Variants in ADCY2 observed in about 807,000 individuals in gnomAD.
ADCY2 encodes the protein adenylate cyclase type 2.
Under a neutral mutation model 125.2 loss-of-function variants are expected in ADCY2, and 31 were observed. The observed-to-expected ratio is 0.25, with a 90% CI of 0.19 to 0.33. The LOEUF is 0.33. Among genes scored for constraint, ADCY2 ranks in the 10% least tolerant of loss-of-function variants. The pLI is 1.00. For synonymous variants in ADCY2, 512 were observed against 548.4 expected, an observed-to-expected ratio of 0.93 and a Z score of 0.93; for missense variants, 904 against 1,418.2, an observed-to-expected ratio of 0.64 and a Z score of 5.82.
chr5:7,642,528 T>C (rs1420729730), intron 4 of ADCY2, among the ~76,000 whole-genome samples: 2 of 152,178 alleles, frequency 1.3e-5, no homozygotes. Flanking sequence ...TTTAGTTTAA[T>C]TAGGTCCCAC....
chr5:7,665,016 T>C lies in ADCY2; in HGVS notation c.721-25675T>C, dbSNP rs187380524. Among the ~76,000 whole-genome samples, 474 of 152,264 alleles carry C rather than the reference T, an allele frequency of 3.1e-3. 4 individuals are homozygous for C. The highest frequency in any genetic ancestry group is 0.011 in the African/African-American group (449 of 41,528). On this transcript the variant is annotated intron_variant, in intron 4 of 24. Coordinates refer to ENST00000338316, the MANE Select transcript of ADCY2 (RefSeq NM_020546.3). ...TCCTCACTTTGAGTTGTCCCACCTT[T>C]CTGAAGCAAATCAATGTGTTTCTTA...
chr5:7,512,143 C>T (rs74811838), intron 2 of ADCY2, among the ~76,000 whole-genome samples: 2,932 of 138,044 alleles, frequency 0.021, 93 homozygotes, highest in African/African-American at 0.074. Flanking sequence ...ATCATTTGAA[C>T]CTGGGAGATG....
intron 14 of ADCY2, among the ~76,000 whole-genome samples, chr5:7,734,283 T>C (rs1742185471): frequency 6.6e-6 from 1 of 152,200 alleles, no homozygotes; most frequent in Non-Finnish European, 1.5e-5. Flanking sequence ...TTGTAATTAA[T>C]ACATTTCGTA....
At chr5:7,800,207 G>C (rs1457633428) in intron 20 of ADCY2, 9 of 152,176 alleles carry the variant, frequency 5.9e-5, no homozygotes, top group Non-Finnish European at 4.4e-5. Flanking sequence ...TGTAGTTGTG[G>C]TGAGTTCATG....
At chr5:7,533,626 C>T (rs1734721405) in intron 3 of ADCY2, among the ~76,000 whole-genome samples, 1 of 152,044 alleles carries the variant, frequency 6.6e-6, no homozygotes, top group Non-Finnish European at 1.5e-5. Context: ...AGCTCTCCCT[C>T]TATGTGTCTG....
Position 7,589,506 on chromosome 5 carries a change from G to GAAAGAAAGAAAAGAAAAGA in ADCY2, c.571-36654_571-36653insGAAAAGAAAAGAAAAGAAA, listed in dbSNP as rs530283052. On this transcript the variant is annotated intron_variant, in intron 3 of 24. Transcript: ENST00000338316. Reference sequence around the variant, plus strand: ...AGAAAGAAAGAAAGAAAGAAAGAAAGAAAGAAAAGAAAAGAAAGAGAAAGA... The same window carrying GAAAGAAAGAAAAGAAAAGA: ...AGAAAGAAAGAAAGAAAGAAAGAAAGAAAGAAAGAAAAGAAAAGAAAAGAAAAGAAAAGAAAGAGAAAGA... Among the ~76,000 whole-genome samples, 80 of 93,874 alleles carry GAAAGAAAGAAAAGAAAAGA rather than the reference G, an allele frequency of 8.5e-4. 1 individual carries two copies. The highest frequency in any genetic ancestry group is 2.5e-3 in the African/African-American group (71 of 28,034). The allele number at this position is 93,874 out of a possible 152,430, so 61.6% of individuals were successfully genotyped here.
At chr5:7,516,229 T>C (rs972466387) in intron 2 of ADCY2, among the ~76,000 whole-genome samples, 1 of 152,152 alleles carries the variant, frequency 6.6e-6, no homozygotes, top group African/African-American at 2.4e-5. Flanking sequence ...GTAAATAATA[T>C]ATTTGTGATT....
intron 3 of ADCY2, among the ~76,000 whole-genome samples, chr5:7,616,006 C>G (rs1157804612): frequency 6.6e-6 from 1 of 151,996 alleles, no homozygotes; most frequent in African/African-American, 2.4e-5. Context: ...TATGGTGGTG[C>G]TAGTGGTTTT....
chr5:7,646,632 A>G (rs1013887946), intron 4 of ADCY2, among the ~76,000 whole-genome samples: 5 of 152,172 alleles, frequency 3.3e-5, no homozygotes, highest in African/African-American at 9.7e-5. Flanking sequence ...ATGAAATTTC[A>G]GTTTTAGGAC....
intron 18 of ADCY2, among the ~76,000 whole-genome samples, chr5:7,776,150 T>C (rs1366555225): frequency 6.7e-6 from 1 of 149,464 alleles, no homozygotes. Context: ...TTGCCTTGCT[T>C]ATTGATGCTG....
intron 4 of ADCY2, among the ~76,000 whole-genome samples, chr5:7,674,069 T>C (rs1168473829): frequency 4.1e-5 from 1 of 24,386 alleles, no homozygotes; most frequent in Non-Finnish European, 7.9e-5. Flanking sequence ...GAGGGTAGGG[T>C]CCAGTCTCAG....
intron 5 of ADCY2, among the ~76,000 whole-genome samples, chr5:7,693,406 GTTTTTTGTT>G (rs761332238): frequency 1.7e-4 from 10 of 58,658 alleles, no homozygotes; most frequent in Non-Finnish European, 2.5e-4. Context: ...ATTGCCTGCT[GTTTTTTGTT>G]TTTTTTTTTT....
intron 5 of ADCY2, 143 bp from the exon 6 acceptor site, chr5:7,695,609 T>G: frequency 2.2e-6 from 1 of 445,626 alleles, no homozygotes; most frequent in South Asian, 4.4e-5. Flanking sequence ...TTATATATTC[T>G]TAATCTGAGA....
At chr5:7,482,173 A>G (rs951265499) in intron 2 of ADCY2, among the ~76,000 whole-genome samples, 5 of 152,170 alleles carry the variant, frequency 3.3e-5, no homozygotes, top group African/African-American at 9.7e-5. Flanking sequence ...CATTTACCCA[A>G]CAGTGACACT....
At chr5:7,783,262 A>T (rs184352979) in intron 18 of ADCY2, among the ~76,000 whole-genome samples, 1 of 152,152 alleles carries the variant, frequency 6.6e-6, no homozygotes, top group Non-Finnish European at 1.5e-5. Flanking sequence ...GTTAAAAATC[A>T]CAAGTATCAT....
chr5:7,570,738 A>G (rs1736042094), intron 3 of ADCY2, among the ~76,000 whole-genome samples: 2 of 152,178 alleles, frequency 1.3e-5, no homozygotes, highest in South Asian at 4.1e-4. Flanking sequence ...TGTGGCTTCT[A>G]GAAACTTTCT....
At chr5:7,757,967 C>A (rs1743071422) in intron 16 of ADCY2, among the ~76,000 whole-genome samples, 1 of 152,148 alleles carries the variant, frequency 6.6e-6, no homozygotes, top group Admixed American at 6.5e-5. Flanking sequence ...CCTCAACAGG[C>A]TACAGAAATA....
intron 2 of ADCY2, among the ~76,000 whole-genome samples, chr5:7,483,857 G>A (rs1032718): frequency 0.34 from 52,428 of 152,072 alleles, 10,354 homozygotes; most frequent in East Asian, 0.53. Flanking sequence ...ATCAAGCCTT[G>A]CTAATCTGCA....
In ADCY2 at chr5:7,507,529, T is replaced by TA. The variant is rs201691521; in HGVS notation, c.409-13203dup. ...TTTACTACCTTCTGAAATAAATGATTAAAAAATCATTACAAGGTACATTAT... is the reference window on the plus strand; with the variant it reads ...TTTACTACCTTCTGAAATAAATGATTAAAAAAATCATTACAAGGTACATTAT... On this transcript the variant is annotated intron_variant, in intron 2 of 24. Transcript: ENST00000338316. Among the ~76,000 whole-genome samples, 1,091 of 151,824 alleles carry TA rather than the reference T, an allele frequency of 7.2e-3. 18 individuals carry two copies. Among genetic ancestry groups the TA allele is most frequent in the African/African-American group, 0.025 (1,025 of 41,376 alleles).
Sources: gnomAD v4.1 joint callset for allele counts (sites outside exome capture counted in the v4.1 genomes callset) on GRCh38, gnomAD v4.1.1 for gene constraint, MANE v1.5 for transcripts, NCBI Gene and HGNC (gene_info 2026-07-23, HGNC 2026-07-21) for gene names.